SRGAP2B: variants seen among roughly 807,000 people sequenced by gnomAD.
SRGAP2B encodes SLIT-ROBO Rho GTPase activating protein 2B.
SRGAP2B carries 9 observed loss-of-function variants against 22.2 expected under a neutral mutation model. The observed-to-expected ratio is 0.41, with a 90% confidence interval of 0.24 to 0.71. SRGAP2B has a LOEUF of 0.71. SRGAP2B is among the 30% of genes least tolerant of loss of function. The pLI is 0.35. For synonymous variants in SRGAP2B, 36 were observed against 87.4 expected (o/e 0.41, Z 3.28); for missense variants, 114 against 235.8 (o/e 0.48, Z 3.38).
chr1:144,940,441 C>T (rs1199060326), intron 4 of SRGAP2B, among the ~76,000 whole-genome samples: 1 of 149,986 alleles, frequency 6.7e-6, no homozygotes, highest in Non-Finnish European at 1.5e-5. Context: ...CAAGTGATTT[C>T]CAAAAAGACA....
At chr1:144,965,081 T>G in intron 3 of SRGAP2B, 1 of 1,262,332 alleles carries the variant, frequency 7.9e-7, no homozygotes, top group Non-Finnish European at 1.2e-6. Context: ...TTGACAAGAC[T>G]GAGGATAGTT....
chr1:144,954,825 AC>A (rs1386543715), intron 4 of SRGAP2B, among the ~76,000 whole-genome samples: 2 of 150,110 alleles, frequency 1.3e-5, no homozygotes, highest in African/African-American at 5.0e-5. Context: ...GCATTCAGAG[AC>A]CCAAAGACAA....
At chr1:145,014,598 T>TTTTC (rs1230362622) in intron 2 of SRGAP2B, among the ~76,000 whole-genome samples, 4 of 127,610 alleles carry the variant, frequency 3.1e-5, no homozygotes, top group African/African-American at 1.3e-4. Flanking sequence ...AGATATGCAG[T>TTTTC]TGAAACTCTC....
intron 2 of SRGAP2B, among the ~76,000 whole-genome samples, chr1:145,027,052 C>A (rs2102305068): frequency 1.4e-5 from 1 of 74,008 alleles, no homozygotes; most frequent in Admixed American, 1.5e-4. Context: ...GAGTCTCGGT[C>A]TGTTGCCCAG....
chr1:144,914,137 C>T (rs1229335262), intron 5 of SRGAP2B, among the ~76,000 whole-genome samples: 799 of 151,292 alleles, frequency 5.3e-3, no homozygotes, highest in Non-Finnish European at 6.5e-3. Flanking sequence ...CAGCCTGCCT[C>T]GTCACTGAGG....
intron 4 of SRGAP2B, among the ~76,000 whole-genome samples, chr1:144,943,887 G>T (rs1178890968): frequency 6.6e-6 from 1 of 150,466 alleles, no homozygotes; most frequent in Non-Finnish European, 1.5e-5. Flanking sequence ...AGGCAAACAG[G>T]ATAGTTGGTC....
At chr1:144,899,301 T>C (rs1282266511) in intron 7 of SRGAP2B, among the ~76,000 whole-genome samples, 98 of 83,240 alleles carry the variant, frequency 1.2e-3, no homozygotes, top group East Asian at 5.6e-3. Flanking sequence ...TCATTTTTTT[T>C]CCCCAAGGTA....
chr1:144,906,086 C>A lies in SRGAP2B; in HGVS notation c.487-12G>T. 2 of 709,910 alleles carry A rather than the reference C, an allele frequency of 2.8e-6. No individual in the cohort carries two copies. Among genetic ancestry groups the A allele is most frequent in the South Asian group, 3.0e-5 (2 of 67,164 alleles). 44.0% of individuals were successfully genotyped at this position (709,910 alleles called of 1,614,324 possible). ...TATGTCTTCATGACCTGCAAGACAT[C>A]GCCCACCCCCACCCCCAGAGGTCAA... On this transcript the variant is annotated splice_polypyrimidine_tract_variant and intron_variant, in intron 5 of 9. Coordinates refer to ENST00000612199, the Ensembl canonical transcript of SRGAP2B.
intron 3 of SRGAP2B, among the ~76,000 whole-genome samples, chr1:144,968,841 C>T (rs1668274858): frequency 1.0e-5 from 1 of 96,714 alleles, no homozygotes; most frequent in African/African-American, 4.6e-5. Flanking sequence ...CATTCTTATA[C>T]ACCAACAACA....
chr1:144,970,099 GGGATCTAGAA>G (rs1427263045), intron 3 of SRGAP2B, among the ~76,000 whole-genome samples: 2 of 147,810 alleles, frequency 1.4e-5, no homozygotes, highest in Admixed American at 6.7e-5. Context: ...CGATTCCTCA[GGGATCTAGAA>G]CTAGAAATAC....
At chr1:145,009,093 C>T (rs1553621736) in intron 2 of SRGAP2B, among the ~76,000 whole-genome samples, 1 of 142,612 alleles carries the variant, frequency 7.0e-6, no homozygotes, top group Non-Finnish European at 1.5e-5. Flanking sequence ...AGGAGAATGG[C>T]GTGAACCTGG....
rs879954566 is a variant in SRGAP2B, at chr1:145,080,700, G to A, written c.67+12135C>T. On this transcript the variant is annotated intron_variant, in intron 2 of 9. Coordinates refer to ENST00000612199, the Ensembl canonical transcript of SRGAP2B. The stretch of plus-strand genomic sequence containing the variant: ...CAAGTAGCTAAGATAAATTACAGGC[G>A]CCCGCCACCATGCCCAGCTAACTTT... Among the ~76,000 whole-genome samples, 8 of 148,552 alleles carry A rather than the reference G, an allele frequency of 5.4e-5. 1 individual carries two copies. The highest frequency in any genetic ancestry group is 1.3e-4 in the Admixed American group (2 of 15,012).
At chr1:144,903,013 G>C (rs1485341032) in intron 7 of SRGAP2B, among the ~76,000 whole-genome samples, 1 of 41,112 alleles carries the variant, frequency 2.4e-5, no homozygotes, top group Non-Finnish European at 4.4e-5. Context: ...AGAATCTATG[G>C]ATTGCAAAGG....
chr1:144,916,070 T>TA (rs1249473653), intron 4 of SRGAP2B, among the ~76,000 whole-genome samples: 1 of 149,684 alleles, frequency 6.7e-6, no homozygotes, highest in Non-Finnish European at 1.5e-5. Context: ...CATCTCTACT[T>TA]AAAAAATACT....
chr1:145,030,455 A>C (rs1311491562), intron 2 of SRGAP2B, among the ~76,000 whole-genome samples: 1 of 135,152 alleles, frequency 7.4e-6, no homozygotes, highest in African/African-American at 3.2e-5. Flanking sequence ...CAAGGAAAAA[A>C]AAAACCAAAC....
At position 145,017,355 on chromosome 1, in the gene SRGAP2B, A is replaced by T. The variant is rs1252471580; in HGVS notation, c.68-22155T>A. 2.1e-5 allele frequency among the ~76,000 whole-genome samples: 3 copies of T among 146,210 alleles called. No individual in the cohort carries two copies. The East Asian group carries it at 6.0e-4, about 29-fold the overall frequency. ...GTATTATGTCAACTTGATTTAAAAA[A>T]TTTTTTGACATTAGAATACTTTTAG... On this transcript the variant is annotated intron_variant, in intron 2 of 9. Transcript: ENST00000612199.
intron 4 of SRGAP2B, among the ~76,000 whole-genome samples, chr1:144,951,194 C>G (rs1553609316): frequency 1.4e-5 from 2 of 147,474 alleles, no homozygotes; most frequent in Non-Finnish European, 3.0e-5. Flanking sequence ...TTTTTTTAAA[C>G]AGACAGGGTC....
intron 5 of SRGAP2B, among the ~76,000 whole-genome samples, chr1:144,912,137 A>G (rs1663471422): frequency 6.8e-6 from 1 of 147,070 alleles, no homozygotes; most frequent in African/African-American, 2.6e-5. Flanking sequence ...TATTTTTAGT[A>G]GAGACAGGGT....
chr1:144,975,140 C>T (rs1553613978), intron 3 of SRGAP2B, among the ~76,000 whole-genome samples: 4 of 149,704 alleles, frequency 2.7e-5, no homozygotes, highest in African/African-American at 5.1e-5. Context: ...TCTCTCACTT[C>T]TCCTGAATCT....
Sources: allele counts gnomAD v4.1 joint callset (sites outside exome capture counted in the v4.1 genomes callset), GRCh38; gene constraint gnomAD v4.1.1; transcripts MANE v1.5; gene names NCBI Gene and HGNC (gene_info 2026-07-23, HGNC 2026-07-21).